The following LARP4B variants were observed in gnomAD, a reference collection of about 807,000 sequenced individuals.
The protein encoded by LARP4B is la-related protein 4B.
Under a neutral mutation model 89.8 loss-of-function variants are expected in LARP4B, and 12 were observed. The observed-to-expected ratio is 0.13, with a 90% CI of 0.09 to 0.22. The LOEUF (loss-of-function observed/expected upper bound fraction) is 0.22, where lower values mean the gene tolerates loss of function less well. LARP4B is among the 10% of genes least tolerant of loss of function. The probability of loss-of-function intolerance (pLI) is 1.00; values close to 1 mark genes in which losing one functional copy is unlikely to be tolerated. For missense variants in LARP4B, 757 were observed against 947.7 expected, an observed-to-expected ratio of 0.80 and a Z score of 2.64; for synonymous variants, 367 against 363.3, an observed-to-expected ratio of 1.01 and a Z score of -0.12.
intron 8 of LARP4B, among the ~76,000 whole-genome samples, chr10:834,915 C>G (rs982842239): frequency 6.6e-5 from 10 of 151,836 alleles, no homozygotes; most frequent in Non-Finnish European, 1.5e-4. Context: ...CTTTGGGAGG[C>G]CGTAATCCCA....
At position 872,145 on chromosome 10, in the gene LARP4B, C is replaced by T. The variant is rs551216107; in HGVS notation, c.142-7875G>A. Among the ~76,000 whole-genome samples, 30 of 152,304 alleles carry T rather than the reference C, an allele frequency of 2.0e-4. No homozygotes were observed. In the South Asian group the frequency reaches 5.2e-3, roughly 26 times the overall value. ...ATACCATGTAGTGCACTACTTTCTGCGTAATTTTTAGGGAATTCAGTGCAA... is the reference window on the plus strand; with the variant it reads ...ATACCATGTAGTGCACTACTTTCTGTGTAATTTTTAGGGAATTCAGTGCAA... On this transcript the variant is annotated intron_variant, in intron 3 of 17. Coordinates refer to ENST00000316157, the MANE Select transcript of LARP4B (RefSeq NM_015155.3).
At chr10:862,761 A>C (rs1485740731) in intron 5 of LARP4B, among the ~76,000 whole-genome samples, 2 of 152,170 alleles carry the variant, frequency 1.3e-5, no homozygotes, top group African/African-American at 4.8e-5. Flanking sequence ...CCGTCTCAAA[A>C]AAAAAAAATG....
intron 11 of LARP4B, among the ~76,000 whole-genome samples, chr10:827,165 A>C (rs1240268303): frequency 1.3e-5 from 2 of 151,958 alleles, no homozygotes; most frequent in Non-Finnish European, 2.9e-5. Context: ...AGTCCCAGCT[A>C]CTCAAGAGGC....
intron 5 of LARP4B, among the ~76,000 whole-genome samples, chr10:852,209 G>A (rs974912755): frequency 6.6e-6 from 1 of 152,152 alleles, no homozygotes; most frequent in Non-Finnish European, 1.5e-5. Context: ...GAAAAACACT[G>A]AAATGAAAAC....
At chr10:957,970 C>T in the LARP4B span, among the ~76,000 whole-genome samples, 11 of 151,708 alleles carry the variant, frequency 7.3e-5, no homozygotes, top group African/African-American at 1.9e-4. Context: ...CTGATTTTTG[C>T]GTTGTTTGTA....
chr10:816,549 C>G (rs898122960), intron 15 of LARP4B, among the ~76,000 whole-genome samples: 1 of 152,244 alleles, frequency 6.6e-6, no homozygotes, highest in African/African-American at 2.4e-5. Flanking sequence ...AAACTGGGCA[C>G]AGCAGGAGCT....
At chr10:861,081 G>A (rs533918244) in intron 5 of LARP4B, among the ~76,000 whole-genome samples, 88 of 152,186 alleles carry the variant, frequency 5.8e-4, no homozygotes, top group East Asian at 1.9e-3. Context: ...GCGTGAACCC[G>A]GGAGGCGGAG....
the LARP4B span, among the ~76,000 whole-genome samples, chr10:976,753 C>T: frequency 4.1e-5 from 6 of 144,684 alleles, no homozygotes; most frequent in South Asian, 2.2e-4. Flanking sequence ...GTAGGCCTGT[C>T]GTGTAATGTG....
rs9377 is a variant in LARP4B at position 809,622 on chromosome 10, G to T, written c.*3304C>A. ...AGTTTTACACTGAATGACACAAAAG[G>T]AAACTTAAATTACCAATAGTTTACA... On this transcript the variant is annotated 3_prime_UTR_variant, in exon 18 of 18. Transcript: ENST00000316157. The T allele has an allele frequency of 6.6e-6, 1 of 152,510 alleles. No individual in the cohort carries two copies. The highest frequency in any genetic ancestry group is 6.5e-5 in the Admixed American group (1 of 15,280). The allele number at this position is 152,510 out of a possible 1,614,324, so 9.4% of individuals were successfully genotyped here. A position where few individuals can be genotyped will look rare whatever the true frequency, so the allele number is the denominator to read the frequency against.
intron 8 of LARP4B, among the ~76,000 whole-genome samples, chr10:833,260 A>AAAC (rs1564391964): frequency 1.6e-4 from 21 of 130,682 alleles, no homozygotes; most frequent in African/African-American, 5.2e-4. Context: ...AAAAAAAAAA[A>AAAC]AAAAAAAAAA....
At chr10:947,977 C>T in the LARP4B span, among the ~76,000 whole-genome samples, 16 of 152,182 alleles carry the variant, frequency 1.1e-4, no homozygotes, top group Admixed American at 5.2e-4. Flanking sequence ...AAACTTACCA[C>T]GCTGAAACTG....
At chr10:844,526 T>G (rs1229497615) in intron 6 of LARP4B, among the ~76,000 whole-genome samples, 1 of 152,144 alleles carries the variant, frequency 6.6e-6, no homozygotes, top group South Asian at 2.1e-4. Flanking sequence ...CCCAATCCCA[T>G]CCTCCTTTAT....
chr10:837,465 T>C (rs79431114), intron 7 of LARP4B, among the ~76,000 whole-genome samples: 1,785 of 152,346 alleles, frequency 0.012, 34 homozygotes, highest in African/African-American at 0.04. Flanking sequence ...TGAAAAATTG[T>C]AATGATGATT....
chr10:984,357 A>G, the LARP4B span, among the ~76,000 whole-genome samples: 2 of 152,256 alleles, frequency 1.3e-5, no homozygotes, highest in East Asian at 1.9e-4. Flanking sequence ...AAATACGTGT[A>G]TGATTATTAT....
the LARP4B span, among the ~76,000 whole-genome samples, chr10:966,411 G>A: frequency 6.4e-4 from 97 of 152,278 alleles, no homozygotes; most frequent in Non-Finnish European, 1.1e-3. Flanking sequence ...AGCCATGATC[G>A]CACCACTGCA....
chr10:964,224 G>A, the LARP4B span, among the ~76,000 whole-genome samples: 7 of 151,926 alleles, frequency 4.6e-5, no homozygotes, highest in African/African-American at 1.5e-4. Context: ...CCGCCACCAC[G>A]CCTGGCTAAT....
chr10:876,465 C>T (rs1024857088), intron 3 of LARP4B, among the ~76,000 whole-genome samples: 13 of 152,182 alleles, frequency 8.5e-5, no homozygotes, highest in African/African-American at 2.9e-4. Flanking sequence ...AAGTTCAAGA[C>T]CCAACAGGGC....
intron 9 of LARP4B, among the ~76,000 whole-genome samples, chr10:830,435 G>A (rs1211998012): frequency 6.6e-6 from 1 of 152,114 alleles, no homozygotes; most frequent in Non-Finnish European, 1.5e-5. Context: ...CAAATAAGAT[G>A]CTTCCCTTAA....
chr10:940,012 ATTTTTTTTTTTT>A, the LARP4B span, among the ~76,000 whole-genome samples: 1 of 118,806 alleles, frequency 8.4e-6, no homozygotes, highest in Non-Finnish European at 1.8e-5. Context: ...CGCCCGGCTA[ATTTTTTTTTTTT>A]TTTTTTTTTT....
Sources: gnomAD v4.1 joint callset for allele counts (sites outside exome capture counted in the v4.1 genomes callset) on GRCh38, gnomAD v4.1.1 for gene constraint, MANE v1.5 for transcripts, NCBI Gene and HGNC (gene_info 2026-07-23, HGNC 2026-07-21) for gene names.